Variants in NTM observed in about 807,000 individuals in gnomAD.
NTM encodes IgLON family member 2.
Under a neutral mutation model 42.1 loss-of-function variants are expected in NTM, and 13 were observed. That is an observed-to-expected ratio of 0.31 (90% CI 0.20 to 0.49). NTM has a LOEUF of 0.49. Ranked by LOEUF, NTM falls within the 20% of genes least tolerant of loss-of-function variation. NTM has a pLI of 0.99. For missense variants in NTM, 373 were observed against 452.8 expected, an observed-to-expected ratio of 0.82 and a Z score of 1.60; for synonymous variants, 187 against 179.2, an observed-to-expected ratio of 1.04 and a Z score of -0.35.
At chr11:131,406,683 G>T in intron 1 of NTM, among the ~76,000 whole-genome samples, 1 of 152,088 alleles carries the variant, frequency 6.6e-6, no homozygotes, top group East Asian at 1.9e-4. Context: ...TGTAATAAAA[G>T]TAATATACAT....
At position 131,960,784 on chromosome 11, in the gene NTM, G is replaced by A. The variant is rs189823118; in HGVS notation, c.167+49136G>A. Among the ~76,000 whole-genome samples, 186 of 152,262 alleles carry A rather than the reference G, an allele frequency of 1.2e-3. 2 individuals are homozygous for A. The highest frequency in any genetic ancestry group is 1.7e-3 in the Non-Finnish European group (114 of 68,030). On this transcript the variant is annotated intron_variant, in intron 2 of 8. Transcript: ENST00000683400. ...CTCCAAGTGCCTGAGGTTTTGGTCCGTACTCTGCAAAATTGGTCTGTTACA... is the reference window on the plus strand; with the variant it reads ...CTCCAAGTGCCTGAGGTTTTGGTCCATACTCTGCAAAATTGGTCTGTTACA...
intron 3 of NTM, among the ~76,000 whole-genome samples, chr11:132,181,271 G>A (rs2077537868): frequency 6.6e-6 from 1 of 152,056 alleles, no homozygotes; most frequent in Non-Finnish European, 1.5e-5. Context: ...GCTTTCCTCT[G>A]GGTTCCACAT....
At chr11:131,802,033 A>G (rs1404537924) in intron 1 of NTM, among the ~76,000 whole-genome samples, 2 of 152,144 alleles carry the variant, frequency 1.3e-5, no homozygotes, top group Non-Finnish European at 2.9e-5. Context: ...GTGCAGTATA[A>G]TAAAAAAAAT....
At position 131,475,489 on chromosome 11, in the gene NTM, T is replaced by TGAG. The variant is rs201130053; in HGVS notation, c.82+104619_82+104621dup. Among the ~76,000 whole-genome samples the TGAG allele has an allele frequency of 3.1e-3, 465 of 151,672 alleles. 16 individuals are homozygous for TGAG. In the East Asian group the frequency reaches 0.078, roughly 26 times the overall value. The stretch of plus-strand genomic sequence containing the variant: ...TGGGACATGAAATAAAAAATTGCCC[T>TGAG]GAGGAGGAGGAGGAGGAGGATTGAA... On this transcript the variant is annotated intron_variant, in intron 1 of 8. Coordinates refer to ENST00000683400, the MANE Select transcript of NTM (RefSeq NM_001352005.2).
intron 4 of NTM, among the ~76,000 whole-genome samples, chr11:132,286,823 T>C (rs1022489651): frequency 3.3e-5 from 5 of 152,176 alleles, no homozygotes; most frequent in Admixed American, 2.6e-4. Flanking sequence ...ACTAGGGAGA[T>C]GCATCAGACT....
chr11:131,469,089 C>G (rs953500317), intron 1 of NTM, among the ~76,000 whole-genome samples: 1 of 152,198 alleles, frequency 6.6e-6, no homozygotes, highest in Non-Finnish European at 1.5e-5. Flanking sequence ...CTGGCTGCTG[C>G]TCTCTGTTGC....
At chr11:131,540,909 T>C (rs1342759650) in intron 1 of NTM, 9 of 152,190 alleles carry the variant, frequency 5.9e-5, no homozygotes, top group Admixed American at 5.9e-4. Context: ...GATAATGGGA[T>C]TCATGATCTC....
intron 2 of NTM, among the ~76,000 whole-genome samples, chr11:131,988,731 G>T (rs1339358399): frequency 6.6e-6 from 1 of 152,158 alleles, no homozygotes; most frequent in South Asian, 2.1e-4. Flanking sequence ...AGTTTTCTGG[G>T]TCTGATGAAT....
chr11:131,991,697 G>A (rs574410720), intron 2 of NTM, among the ~76,000 whole-genome samples: 12 of 151,902 alleles, frequency 7.9e-5, no homozygotes, highest in Non-Finnish European at 1.6e-4. Flanking sequence ...ATTTCTAAAT[G>A]AAGTGGTTCT....
intron 2 of NTM, among the ~76,000 whole-genome samples, chr11:132,132,834 C>T (rs1300662424): frequency 2.6e-5 from 4 of 152,158 alleles, no homozygotes; most frequent in Non-Finnish European, 5.9e-5. Flanking sequence ...GTTGCTGCCT[C>T]TCTCAAATAT....
At chr11:131,792,577 C>T (rs2091080001) in intron 1 of NTM, among the ~76,000 whole-genome samples, 1 of 152,156 alleles carries the variant, frequency 6.6e-6, no homozygotes, top group Admixed American at 6.5e-5. Flanking sequence ...CTATTTAATG[C>T]CATCACCACC....
chr11:131,791,636 G>T (rs998774460), intron 1 of NTM, among the ~76,000 whole-genome samples: 1 of 152,132 alleles, frequency 6.6e-6, no homozygotes, highest in African/African-American at 2.4e-5. Flanking sequence ...GAAGACTTTT[G>T]CAAGGACAGT....
At chr11:132,081,314 A>G (rs2059008157) in intron 2 of NTM, among the ~76,000 whole-genome samples, 1 of 152,182 alleles carries the variant, frequency 6.6e-6, no homozygotes, top group African/African-American at 2.4e-5. Flanking sequence ...ATACTACTTC[A>G]TTTTCCTTTA....
In NTM at chr11:132,335,126, C is replaced by T; in HGVS notation, c.1048C>T (p.His350Tyr). Residue 350 changes from histidine to tyrosine, a missense_variant, in exon 9 of 9, where the codon CAC (histidine) becomes TAC (tyrosine). By Grantham distance (83) the His-to-Tyr change is moderately conservative (BLOSUM62 2). Coordinates refer to ENST00000683400, the MANE Select transcript of NTM (RefSeq NM_001352005.2). ...CVWLLPLLVL[H>Y]LLLKF ...CTGGCTGCTGCCTCTTCTGGTCTTGCACCTGCTTCTCAAATTTTGATGTGA... is the reference window on the plus strand; with the variant it reads ...CTGGCTGCTGCCTCTTCTGGTCTTGTACCTGCTTCTCAAATTTTGATGTGA... 6.2e-7 allele frequency: 1 copy of T among 1,612,640 alleles called. No individual in the cohort carries two copies.
chr11:131,799,375 G>A (rs1454460176), intron 1 of NTM, among the ~76,000 whole-genome samples: 1 of 152,116 alleles, frequency 6.6e-6, no homozygotes, highest in Non-Finnish European at 1.5e-5. Flanking sequence ...GAGCTAATGG[G>A]CATCTTCACT....
intron 4 of NTM, among the ~76,000 whole-genome samples, chr11:132,250,936 G>A (rs1424111444): frequency 2.0e-5 from 3 of 152,074 alleles, no homozygotes; most frequent in Non-Finnish European, 4.4e-5. Flanking sequence ...TTTTGGCTCT[G>A]TGAGGCTCAT....
chr11:131,378,389 G>A (rs1942239705), intron 1 of NTM, among the ~76,000 whole-genome samples: 1 of 152,154 alleles, frequency 6.6e-6, no homozygotes, highest in Non-Finnish European at 1.5e-5. Flanking sequence ...ATAGGTAGTG[G>A]TTCTAAAAGA....
intron 2 of NTM, among the ~76,000 whole-genome samples, chr11:131,995,427 T>C (rs1297862723): frequency 6.6e-6 from 1 of 152,072 alleles, no homozygotes; most frequent in Non-Finnish European, 1.5e-5. Context: ...TGTGTAACTG[T>C]GCATCTGGTT....
chr11:131,722,375 G>T (rs1057097330), intron 1 of NTM, among the ~76,000 whole-genome samples: 1 of 152,204 alleles, frequency 6.6e-6, no homozygotes, highest in Non-Finnish European at 1.5e-5. Flanking sequence ...CCTGTTGCCT[G>T]ACGGCCAAAA....
Sources: allele counts gnomAD v4.1 joint callset (sites outside exome capture counted in the v4.1 genomes callset), GRCh38; gene constraint gnomAD v4.1.1; transcripts MANE v1.5; gene names NCBI Gene and HGNC (gene_info 2026-07-23, HGNC 2026-07-21).